The following COPS7B variants were observed in gnomAD, a reference collection of about 807,000 sequenced individuals.
COPS7B encodes COP9 signalosome subunit 7B, also known as COP9 signalosome complex subunit 7b.
In COPS7B, 9 loss-of-function variants were observed where a neutral mutation model predicts 33.4. The observed-to-expected ratio is 0.27, with a 90% CI of 0.16 to 0.47. The LOEUF (loss-of-function observed/expected upper bound fraction) is 0.47, where lower values mean the gene tolerates loss of function less well. Ranked by LOEUF, COPS7B falls within the 20% of genes least tolerant of loss-of-function variation. The pLI is 0.99. For synonymous variants in COPS7B, 119 were observed against 126.3 expected, an observed-to-expected ratio of 0.94 and a Z score of 0.39; for missense variants, 242 against 318.2, an observed-to-expected ratio of 0.76 and a Z score of 1.82.
At chr2:231,801,290 C>G in intron 6 of COPS7B, 1 of 1,533,696 alleles carries the variant, frequency 6.5e-7, no homozygotes, top group African/African-American at 1.4e-5. Flanking sequence ...TCCATTTAGG[C>G]TTTTGTGGAA....
intron 1 of COPS7B, among the ~76,000 whole-genome samples, chr2:231,787,566 T>G (rs1311448569): frequency 1.3e-5 from 2 of 152,044 alleles, no homozygotes; most frequent in East Asian, 3.9e-4. Context: ...TATCGTTTTC[T>G]TGAGGTTTTT....
chr2:231,799,007 C>T (rs759415241), intron 6 of COPS7B, 43 bp downstream of exon 6: 5 of 1,532,560 alleles, frequency 3.3e-6, no homozygotes, highest in Middle Eastern at 1.7e-4. Flanking sequence ...CCAGGCATAC[C>T]TGTTTATTCG....
At chr2:231,787,697 T>C (rs2049291627) in intron 1 of COPS7B, among the ~76,000 whole-genome samples, 1 of 152,218 alleles carries the variant, frequency 6.6e-6, no homozygotes, top group Admixed American at 6.5e-5. Flanking sequence ...AATATATCGC[T>C]ACTTTTCTTT....
At chr2:231,797,388 A>G (rs547408082) in intron 5 of COPS7B, among the ~76,000 whole-genome samples, 3 of 152,366 alleles carry the variant, frequency 2.0e-5, no homozygotes, top group South Asian at 2.1e-4. Context: ...GAAGTTTTCA[A>G]TAGCTTACAA....
At chr2:231,804,317 G>T (rs1683231183) in intron 6 of COPS7B, among the ~76,000 whole-genome samples, 1 of 150,398 alleles carries the variant, frequency 6.6e-6, no homozygotes, top group African/African-American at 2.4e-5. Flanking sequence ...GCGCGATCTT[G>T]GCTCACTGCA....
At chr2:231,795,710 C>T (rs1358571267) in intron 4 of COPS7B, among the ~76,000 whole-genome samples, 2 of 152,178 alleles carry the variant, frequency 1.3e-5, no homozygotes, top group Admixed American at 1.3e-4. Flanking sequence ...GGCAAGTAGC[C>T]AGCTCTTTCC....
At chr2:231,784,207 C>T (rs995447971), upstream of COPS7B, among the ~76,000 whole-genome samples, 9 of 151,432 alleles carry the variant, frequency 5.9e-5, no homozygotes, top group Non-Finnish European at 1.0e-4. Context: ...ACTGCCTGGG[C>T]GTGGTGGCTC....
At chr2:231,788,172 T>C (rs1475553720) in intron 1 of COPS7B, among the ~76,000 whole-genome samples, 1 of 146,428 alleles carries the variant, frequency 6.8e-6, no homozygotes, top group East Asian at 2.0e-4. Context: ...AGTCTCGCTC[T>C]GTTGCCCAGG....
intron 6 of COPS7B, chr2:231,801,310 A>G (rs1574675436): frequency 2.6e-6 from 4 of 1,514,676 alleles, no homozygotes; most frequent in East Asian, 2.5e-5. Context: ...AATAACCCAT[A>G]TTAGTTCCTA....
chr2:231,781,784 T>G, upstream of COPS7B: 1 of 1,538,928 alleles, frequency 6.5e-7, no homozygotes, highest in Non-Finnish European at 8.8e-7. Flanking sequence ...TCCCGAGACT[T>G]GAAACCCAAC....
rs1013703873 is a variant in COPS7B, at chr2:231,786,530, C to T, written c.-25C>T. 6.0e-5 allele frequency: 59 copies of T among 985,224 alleles called. No individual in the cohort carries two copies. Among genetic ancestry groups the T allele is most frequent in the Non-Finnish European group, 6.5e-5 (54 of 829,620 alleles). The allele number at this position is 985,224 out of a possible 1,614,324, so 61.0% of individuals were successfully genotyped here. A position where few individuals can be genotyped will look rare whatever the true frequency, so the allele number is the denominator to read the frequency against. ...AGCGACTAAGAGGACCGAGAGGTGG[C>T]GTGGACAGGTAGGAGCTAGCGAGAG... On this transcript the variant is annotated 5_prime_UTR_variant, in exon 1 of 7. Transcript: ENST00000350033.
chr2:231,807,390 A>C (rs2049924880), intron 6 of COPS7B, 97 bp from the exon 7 acceptor site: 2 of 1,175,882 alleles, frequency 1.7e-6, no homozygotes, highest in Non-Finnish European at 2.3e-6. Flanking sequence ...TTTCTTGCAG[A>C]GGATTTTAGC....
chr2:231,797,168 G>C (rs1214446882), intron 5 of COPS7B, among the ~76,000 whole-genome samples: 1 of 152,162 alleles, frequency 6.6e-6, no homozygotes, highest in East Asian at 1.9e-4. Context: ...ACACAGGTTC[G>C]GGAGGGAGAG....
upstream of COPS7B, among the ~76,000 whole-genome samples, chr2:231,784,543 T>A (rs1242877372): frequency 2.6e-5 from 4 of 152,132 alleles, no homozygotes; most frequent in Non-Finnish European, 5.9e-5. Flanking sequence ...TGGACATTGT[T>A]CTAGAGGAAG....
chr2:231,807,521 C>T lies in COPS7B; in HGVS notation c.671C>T (p.Ala224Val). The T allele has an allele frequency of 1.2e-6, 2 of 1,613,714 alleles. No individual in the cohort carries two copies. The highest frequency in any genetic ancestry group is 1.1e-5 in the South Asian group (1 of 90,950). The stretch of plus-strand genomic sequence containing the variant: ...ATCAAGAAGACACTCAAAGCCACCG[C>T]ATCCTCCTCGGCTCAGGAGATGGAG... ...TNIKKTLKAT[A>V]SSSAQEMEQQ... is the part of the protein sequence containing the mutation. The change falls in exon 7 of 7, where the codon GCA becomes GTA. Residue 224 changes from alanine to valine, a missense_variant. Ala to Val is a moderately conservative substitution (Grantham distance 64). Transcript: ENST00000350033.
At chr2:231,782,198 G>T (rs1206023872), upstream of COPS7B, among the ~76,000 whole-genome samples, 1 of 152,224 alleles carries the variant, frequency 6.6e-6, no homozygotes, top group African/African-American at 2.4e-5. Context: ...CTGACTTGCA[G>T]TCTGGACTCT....
chr2:231,802,704 A>C (rs2049782801), intron 6 of COPS7B, among the ~76,000 whole-genome samples: 1 of 152,214 alleles, frequency 6.6e-6, no homozygotes, highest in South Asian at 2.1e-4. Flanking sequence ...TAATTGGTTG[A>C]CCTACCTGGG....
At chr2:231,800,196 G>T (rs1041864734) in intron 6 of COPS7B, among the ~76,000 whole-genome samples, 7 of 152,218 alleles carry the variant, frequency 4.6e-5, no homozygotes, top group African/African-American at 1.7e-4. Context: ...TTGAGAGACC[G>T]AGGAGGAAGT....
At chr2:231,799,263 T>A (rs1005515989) in intron 6 of COPS7B, among the ~76,000 whole-genome samples, 7 of 152,054 alleles carry the variant, frequency 4.6e-5, no homozygotes, top group African/African-American at 1.7e-4. Context: ...GAAAATGAGT[T>A]TGGGGATGGA....
Sources: gnomAD v4.1 joint callset for allele counts (sites outside exome capture counted in the v4.1 genomes callset) on GRCh38, gnomAD v4.1.1 for gene constraint, MANE v1.5 for transcripts, NCBI Gene and HGNC (gene_info 2026-07-23, HGNC 2026-07-21) for gene names.